DEFB109B: variants seen among roughly 807,000 people sequenced by gnomAD.
The protein encoded by DEFB109B is beta-defensin 109B.
chr8:7,319,247 AAAAGAGAG>A (rs1803151644), intron 1 of DEFB109B: 1 of 135,426 alleles, frequency 7.4e-6, no homozygotes, highest in East Asian at 2.0e-4. Context: ...AAAAAAAAAA[AAAAGAGAG>A]AGAGAGAGAG....
intron 1 of DEFB109B, 93 bp from the exon 2 acceptor site, chr8:7,319,653 G>T (rs552685062): frequency 2.8e-5 from 4 of 145,446 alleles, no homozygotes; most frequent in Non-Finnish European, 5.9e-5. Context: ...ACATAAAAAC[G>T]TTCATACTAA....
chr8:7,319,678 T>G (rs1025279082), intron 1 of DEFB109B, 68 bp from the exon 2 acceptor site: 6 of 147,406 alleles, frequency 4.1e-5, no homozygotes, highest in Admixed American at 6.6e-5. Flanking sequence ...ATTCTGTTAC[T>G]TAAGAGTGTT....
chr8:7,319,254 A>G (rs1803155636), intron 1 of DEFB109B: 1 of 133,268 alleles, frequency 7.5e-6, no homozygotes, highest in South Asian at 2.2e-4. Flanking sequence ...AAAAAAAGAG[A>G]GAGAGAGAGA....
chr8:7,309,587 A>T (rs77060766), upstream of DEFB109B, among the ~76,000 whole-genome samples: 18,481 of 126,848 alleles, frequency 0.15, 272 homozygotes, highest in African/African-American at 0.32. Context: ...ATGACCCTGC[A>T]ACAGAGCATG....
intron 1 of DEFB109B, chr8:7,318,858 G>C (rs1291569061): frequency 6.9e-6 from 1 of 144,376 alleles, no homozygotes; most frequent in Non-Finnish European, 1.5e-5. Context: ...TAAATGTTAA[G>C]CTTTCTAGTA....
chr8:7,311,866 A>T (rs1440327517), upstream of DEFB109B, among the ~76,000 whole-genome samples: 3 of 58,702 alleles, frequency 5.1e-5, no homozygotes, highest in East Asian at 8.6e-4. Flanking sequence ...AAAACAAAAG[A>T]TTTTTAAAAA....
chr8:7,319,669 T>C (rs1803192040), intron 1 of DEFB109B, 77 bp from the exon 2 acceptor site: 1 of 147,122 alleles, frequency 6.8e-6, no homozygotes, highest in South Asian at 2.1e-4. Flanking sequence ...ACTAAATTTA[T>C]TCTGTTACTT....
intron 1 of DEFB109B, among the ~76,000 whole-genome samples, chr8:7,315,618 C>T (rs1274419586): frequency 2.3e-5 from 3 of 130,270 alleles, no homozygotes; most frequent in Admixed American, 7.1e-5. Flanking sequence ...TGATGCTAAA[C>T]TATCACAAGC....
rs1410387794 is a variant in DEFB109B at position 7,319,249 on chromosome 8, A to AAAG, written n.59-496_59-495insAGA. 5.7e-3 allele frequency: 732 copies of AAAG among 128,574 alleles called. 2 individuals carry two copies. The highest frequency in any genetic ancestry group is 0.012 in the South Asian group (51 of 4,318). The allele number at this position is 128,574 out of a possible 1,614,324, so 8.0% of individuals were successfully genotyped here. On this transcript the variant is annotated intron_variant and non_coding_transcript_variant, in intron 1 of 1. Coordinates refer to ENST00000382656, the Ensembl canonical transcript of DEFB109B. The stretch of plus-strand genomic sequence containing the variant: ...AGTGAAGCCAACAAAAAAAAAAAAA[A>AAAG]AGAGAGAGAGAGAGAGAGAGTGAAA...
chr8:7,315,454 G>A (rs1329305144), intron 1 of DEFB109B, among the ~76,000 whole-genome samples: 4 of 137,100 alleles, frequency 2.9e-5, no homozygotes, highest in East Asian at 2.0e-4. Context: ...AGCCGAGATC[G>A]TGCCATTGCA....
intron 1 of DEFB109B, among the ~76,000 whole-genome samples, chr8:7,315,549 A>T (rs1802861704): frequency 7.3e-6 from 1 of 136,844 alleles, no homozygotes; most frequent in South Asian, 2.2e-4. Context: ...AGAAAGAAAG[A>T]AAAGAAAAGC....
At chr8:7,319,588 T>C (rs1349433138) in intron 1 of DEFB109B, 158 bp from the exon 2 acceptor site, 1 of 138,868 alleles carries the variant, frequency 7.2e-6, no homozygotes, top group Admixed American at 7.0e-5. Flanking sequence ...ACTGCTACCT[T>C]TCTTAAACTG....
At chr8:7,310,406 CAA>C (rs1262700553), upstream of DEFB109B, among the ~76,000 whole-genome samples, 1 of 70,500 alleles carries the variant, frequency 1.4e-5, no homozygotes. Context: ...AGCACACAAC[CAA>C]AAAAAAAAAG....
At chr8:7,315,708 C>A (rs1802875832) in intron 1 of DEFB109B, among the ~76,000 whole-genome samples, 1 of 137,798 alleles carries the variant, frequency 7.3e-6, no homozygotes, top group Non-Finnish European at 1.5e-5. Context: ...CCTCCTGCTT[C>A]TGCTGCTGCA....
rs1021581324 is a variant in DEFB109B, at chr8:7,319,615, A to G, written n.59-131A>G. The G allele has an allele frequency of 1.1e-4, 15 of 142,356 alleles. 2 individuals carry two copies. Among genetic ancestry groups the G allele is most frequent in the African/African-American group, 4.7e-4 (15 of 31,892 alleles). The allele number at this position is 142,356 out of a possible 1,614,324, so 8.8% of individuals were successfully genotyped here. On this transcript the variant is annotated intron_variant and non_coding_transcript_variant, in intron 1 of 1. Transcript: ENST00000382656. ...CTTAAACTGCATGTGTCTCTGACAT[A>G]TGAGCAGCAACCATGTCAAGAGCTC...
intron 1 of DEFB109B, among the ~76,000 whole-genome samples, chr8:7,315,448 G>A (rs1219503061): frequency 1.5e-5 from 2 of 136,486 alleles, no homozygotes; most frequent in Non-Finnish European, 3.0e-5. Context: ...GCGGTGAGCC[G>A]AGATCGTGCC....
chr8:7,315,518 A>AAG lies in DEFB109B; in HGVS notation n.58+2617_58+2618dup, dbSNP rs1167752233. Among the ~76,000 whole-genome samples, 7 of 128,978 alleles carry AAG rather than the reference A, an allele frequency of 5.4e-5. 1 individual carries two copies. Among genetic ancestry groups the AAG allele is most frequent in the African/African-American group, 3.0e-4 (7 of 23,568 alleles). 84.6% of individuals were successfully genotyped at this position (128,978 alleles called of 152,430 possible). A position where few individuals can be genotyped will look rare whatever the true frequency, so the allele number is the denominator to read the frequency against. ...CGTCAAAAAAAAAAAAAAAAAGAAG[A>AAG]AGAAGAATAAAGAAAGAAAGAGAAA... On this transcript the variant is annotated intron_variant and non_coding_transcript_variant, in intron 1 of 1. Coordinates refer to ENST00000382656, the Ensembl canonical transcript of DEFB109B.
intron 1 of DEFB109B, among the ~76,000 whole-genome samples, chr8:7,315,244 G>T (rs996227761): frequency 8.4e-6 from 1 of 118,646 alleles, no homozygotes; most frequent in Non-Finnish European, 1.6e-5. Flanking sequence ...GGGGCCACAC[G>T]CGGTGGCTCA....
chr8:7,310,612 CGTGCCTTTGCATGT>C, upstream of DEFB109B, among the ~76,000 whole-genome samples: 1 of 137,120 alleles, frequency 7.3e-6, no homozygotes, highest in Non-Finnish European at 1.5e-5. Context: ...TGTGCATGTG[CGTGCCTTTGCATGT>C]GTTTGAAATA....
Sources: allele counts gnomAD v4.1 joint callset (sites outside exome capture counted in the v4.1 genomes callset), GRCh38; gene constraint gnomAD v4.1.1; transcripts MANE v1.5; gene names NCBI Gene and HGNC (gene_info 2026-07-23, HGNC 2026-07-21).